The following RYR2 variants were observed in gnomAD, a reference collection of about 807,000 sequenced individuals.
The protein encoded by RYR2 is ryanodine receptor 2.
A neutral mutation model predicts 601.1 loss-of-function variants in RYR2; 227 were observed. The observed-to-expected ratio is 0.38, with a 90% CI of 0.34 to 0.42. The LOEUF (loss-of-function observed/expected upper bound fraction) is 0.42. Among genes scored for constraint, RYR2 ranks in the 10% least tolerant of loss-of-function variants. The pLI is 1.00. For synonymous variants in RYR2, 2,223 were observed against 2,175.1 expected (o/e 1.02, Z -0.61); for missense variants, 4,646 against 6,156.5 (o/e 0.75, Z 8.21).
rs939274137 is a variant in RYR2, at chr1:237,610,695, A to G, written c.4684-67A>G. 3.9e-5 allele frequency: 50 copies of G among 1,271,898 alleles called. 1 individual carries two copies. The Middle Eastern group carries it at 8.1e-4, about 20-fold the overall frequency. The allele number at this position is 1,271,898 out of a possible 1,614,324, so 78.8% of individuals were successfully genotyped here. On this transcript the variant is annotated intron_variant, in intron 35 of 104. Transcript: ENST00000366574. This position sits in a 1 kb window ranked among gnomAD's most constrained non-coding sequence, Gnocchi z 4.9. ...CTGTCTCTGTCCTGTGCAGAATTCTAGTCATTACTTTGTGAACCCCAAGGG... is the reference window on the plus strand; with the variant it reads ...CTGTCTCTGTCCTGTGCAGAATTCTGGTCATTACTTTGTGAACCCCAAGGG...
chr1:237,298,973 G>T (rs941832834), intron 2 of RYR2, among the ~76,000 whole-genome samples: 3 of 152,084 alleles, frequency 2.0e-5, no homozygotes, highest in Admixed American at 2.0e-4. Flanking sequence ...CAGCCTGGGC[G>T]ACAAAGTGAG....
chr1:237,716,701 T>C (rs989212581), intron 71 of RYR2, among the ~76,000 whole-genome samples: 2 of 151,904 alleles, frequency 1.3e-5, no homozygotes, highest in Non-Finnish European at 1.5e-5. Flanking sequence ...GAAGACAAGT[T>C]TGCAGACTGT....
rs1203819148 is a variant in RYR2, at chr1:237,106,462, GC to G, written c.48+63894del. Among the ~76,000 whole-genome samples the G allele has an allele frequency of 2.6e-5, 4 of 152,144 alleles. No individual in the cohort carries two copies. Among genetic ancestry groups the G allele is most frequent in the Non-Finnish European group, 5.9e-5 (4 of 68,032 alleles). Reference sequence around the variant, plus strand: ...AGTCCGGATCATCCCAAGGTTTCTGGCAGACAGATGATGTTTCACCAGCTAA... The same window carrying G: ...AGTCCGGATCATCCCAAGGTTTCTGGAGACAGATGATGTTTCACCAGCTAA... On this transcript the variant is annotated intron_variant, in intron 1 of 104. Transcript: ENST00000366574. The surrounding 1 kb of genome is among the most constrained non-coding windows in gnomAD (Gnocchi z 4.4).
At chr1:237,155,369 G>C (rs1187973903) in intron 1 of RYR2, among the ~76,000 whole-genome samples, 1 of 151,580 alleles carries the variant, frequency 6.6e-6, no homozygotes, top group South Asian at 2.1e-4. Flanking sequence ...GTAGAGATGG[G>C]GTTTCACAAT....
intron 1 of RYR2, among the ~76,000 whole-genome samples, chr1:237,178,186 T>C (rs1193956431): frequency 1.3e-5 from 2 of 152,200 alleles, no homozygotes; most frequent in Non-Finnish European, 2.9e-5. Context: ...CTGGAAATGC[T>C]TCTCATTTGT....
chr1:237,667,795 T>C, intron 57 of RYR2, 88 bp from the exon 58 acceptor site: 1 of 948,292 alleles, frequency 1.1e-6, no homozygotes, highest in South Asian at 1.6e-5. Flanking sequence ...GTATGAGTTA[T>C]TCCTTTACGG....
At chr1:237,259,948 T>C (rs1688361628) in intron 1 of RYR2, among the ~76,000 whole-genome samples, 2 of 152,212 alleles carry the variant, frequency 1.3e-5, no homozygotes, top group Admixed American at 6.5e-5. Flanking sequence ...GCACATCATA[T>C]GGATATGATT....
In RYR2 at chr1:237,303,793, C is replaced by G. The variant is rs185439008; in HGVS notation, c.169-27085C>G. Among the ~76,000 whole-genome samples, 4 of 152,120 alleles carry G rather than the reference C, an allele frequency of 2.6e-5. No individual in the cohort carries two copies. The East Asian group carries it at 5.8e-4, about 22-fold the overall frequency. On this transcript the variant is annotated intron_variant, in intron 2 of 104. Transcript: ENST00000366574. The stretch of plus-strand genomic sequence containing the variant: ...TTTAACATCTGCCTCAGTGATAACT[C>G]AAATACATTTGGAGGATGCTTTACT...
At chr1:237,747,718 A>C (rs1217380092) in intron 80 of RYR2, among the ~76,000 whole-genome samples, 2 of 152,230 alleles carry the variant, frequency 1.3e-5, no homozygotes, top group Non-Finnish European at 2.9e-5. Context: ...TCATAGTAAC[A>C]GCATTTTAAA....
At chr1:237,384,473 T>A (rs1295034687) in intron 8 of RYR2, among the ~76,000 whole-genome samples, 1 of 152,232 alleles carries the variant, frequency 6.6e-6, no homozygotes, top group East Asian at 1.9e-4. Flanking sequence ...CACGCTCTTG[T>A]CTTCAACACA....
chr1:237,473,797 CA>C (rs1317090501), intron 17 of RYR2, among the ~76,000 whole-genome samples: 6 of 152,020 alleles, frequency 3.9e-5, no homozygotes, highest in African/African-American at 1.4e-4. Flanking sequence ...TTACTCCAGG[CA>C]AGAGGATTGA....
intron 88 of RYR2, among the ~76,000 whole-genome samples, chr1:237,780,351 A>G (rs1018980626): frequency 6.6e-6 from 1 of 152,158 alleles, no homozygotes; most frequent in African/African-American, 2.4e-5. Flanking sequence ...CCCTCACAAG[A>G]GAGTTCTCAT....
intron 29 of RYR2, among the ~76,000 whole-genome samples, chr1:237,588,613 A>C (rs1674795527): frequency 1.3e-5 from 2 of 152,132 alleles, no homozygotes; most frequent in African/African-American, 2.4e-5. Flanking sequence ...CAGGCAGATC[A>C]CCTGAGGTCA....
chr1:237,312,258 A>C (rs1694650854), intron 2 of RYR2, among the ~76,000 whole-genome samples: 1 of 152,234 alleles, frequency 6.6e-6, no homozygotes, highest in Admixed American at 6.5e-5. Context: ...GTAAGTTCAC[A>C]AAACTAGCTC....
chr1:237,060,035 A>G (rs1662650647), intron 1 of RYR2, among the ~76,000 whole-genome samples: 1 of 152,346 alleles, frequency 6.6e-6, no homozygotes, highest in African/African-American at 2.4e-5. Flanking sequence ...CTGATGGCCA[A>G]CCAGGTAAGA....
rs186353532 is a variant in RYR2, at chr1:237,182,990, A to G, written c.49-87507A>G. Reference sequence around the variant, plus strand: ...ATCCCATTTATCTGGTGAAACAGCCATGAAAACAGGTAACTCTGGTTTAGT... The same window carrying G: ...ATCCCATTTATCTGGTGAAACAGCCGTGAAAACAGGTAACTCTGGTTTAGT... On this transcript the variant is annotated intron_variant, in intron 1 of 104. Coordinates refer to ENST00000366574, the MANE Select transcript of RYR2 (RefSeq NM_001035.3). Among the ~76,000 whole-genome samples the G allele has an allele frequency of 3.9e-5, 6 of 152,336 alleles. 1 individual carries two copies. The highest frequency in any genetic ancestry group is 8.8e-5 in the Non-Finnish European group (6 of 68,030).
chr1:237,466,971 C>T (rs1437714279), intron 16 of RYR2, among the ~76,000 whole-genome samples: 2 of 151,610 alleles, frequency 1.3e-5, no homozygotes, highest in African/African-American at 4.8e-5. Flanking sequence ...TATACCATGT[C>T]TGTTTGCAGT....
intron 12 of RYR2, among the ~76,000 whole-genome samples, chr1:237,426,669 C>A (rs1449640209): frequency 6.6e-6 from 1 of 152,122 alleles, no homozygotes; most frequent in Non-Finnish European, 1.5e-5. Context: ...CAAAATATAA[C>A]ATACCCAAAT....
chr1:237,730,173 C>T, intron 76 of RYR2, 87 bp from the exon 77 acceptor site: 1 of 751,232 alleles, frequency 1.3e-6, no homozygotes, highest in Admixed American at 2.0e-5. Context: ...TTTCAGTGCA[C>T]AGATAATCTA....
Sources: gnomAD v4.1 joint callset for allele counts (sites outside exome capture counted in the v4.1 genomes callset) on GRCh38, gnomAD v4.1.1 for gene constraint, Gnocchi (gnomAD v3.1) non-coding constraint, MANE v1.5 for transcripts, NCBI Gene and HGNC (gene_info 2026-07-23, HGNC 2026-07-21) for gene names.